Variants in SHROOM2 observed in about 807,000 individuals in gnomAD.
SHROOM2 encodes the protein protein Shroom2.
In SHROOM2, 33 loss-of-function variants were observed where a neutral mutation model predicts 75.9. That is an observed-to-expected ratio of 0.43 (90% CI 0.33 to 0.58). The LOEUF is 0.58. Ranked by LOEUF, SHROOM2 falls within the 20% of genes least tolerant of loss-of-function variation. The pLI, the probability that SHROOM2 is intolerant of heterozygous loss-of-function variation, is 0.04. For synonymous variants in SHROOM2, 655 were observed against 663.6 expected, an observed-to-expected ratio of 0.99 and a Z score of 0.20; for missense variants, 1,434 against 1,461.2, an observed-to-expected ratio of 0.98 and a Z score of 0.30.
chrX:9,878,531 G>C (rs1411915963), intron 2 of SHROOM2, among the ~76,000 whole-genome samples: 2 of 112,035 alleles, frequency 1.8e-5, no homozygotes, highest in East Asian at 2.8e-4. Context: ...CCCGTCTTGG[G>C]CATTGCTAAG....
At chrX:9,861,073 G>A (rs1442368310) in intron 1 of SHROOM2, among the ~76,000 whole-genome samples, 1 of 112,399 alleles carries the variant, frequency 8.9e-6, no homozygotes, top group East Asian at 2.8e-4. Context: ...GCAAGTTCTA[G>A]AGATCTCTTA....
At chrX:9,807,748 AG>A (rs1192362663) in intron 1 of SHROOM2, among the ~76,000 whole-genome samples, 1 of 112,167 alleles carries the variant, frequency 8.9e-6, no homozygotes, top group Non-Finnish European at 1.9e-5. Context: ...TTCTGTGAAA[AG>A]GCATTTCTCA....
chrX:9,808,417 C>G (rs1437365411), intron 1 of SHROOM2, among the ~76,000 whole-genome samples: 1 of 106,152 alleles, frequency 9.4e-6, no homozygotes, highest in African/African-American at 3.4e-5. Flanking sequence ...TGTGGTGGTG[C>G]ACACCTATAG....
intron 7 of SHROOM2, 111 bp downstream of exon 7, chrX:9,937,796 G>A (rs964455811): frequency 2.3e-5 from 16 of 710,671 alleles, no homozygotes; most frequent in African/African-American, 2.0e-4. Context: ...TGGGGAAGAC[G>A]GGTTTTCATA....
chrX:9,796,689 G>C (rs1190053329), intron 1 of SHROOM2, among the ~76,000 whole-genome samples: 1 of 110,576 alleles, frequency 9.0e-6, no homozygotes, highest in Non-Finnish European at 1.9e-5. Flanking sequence ...CTGTCATTCA[G>C]GCTGGAGTGC....
At chrX:9,924,467 C>T (rs886121437) in intron 5 of SHROOM2, among the ~76,000 whole-genome samples, 4 of 111,576 alleles carry the variant, frequency 3.6e-5, no homozygotes, top group Admixed American at 2.8e-4. Context: ...GCAATCCTCC[C>T]GCTTCAGCCT....
intron 1 of SHROOM2, among the ~76,000 whole-genome samples, chrX:9,834,248 G>C (rs2083931952): frequency 9.0e-6 from 1 of 111,731 alleles, no homozygotes; most frequent in South Asian, 3.7e-4. Flanking sequence ...CCCCCAGCAT[G>C]GGTTGAGTCC....
Position 9,896,559 on chromosome X carries a change from G to A in SHROOM2, c.2651G>A (p.Arg884Lys). ...TATCAGGCCTCTTGGAAGGAACAGAGGAAACCTCTGGAGGCCAGGAGCTCT... is the reference window on the plus strand; with the variant it reads ...TATCAGGCCTCTTGGAAGGAACAGAAGAAACCTCTGGAGGCCAGGAGCTCT... ...AEYQASWKEQ[R>K]KPLEARSSGR... Residue 884 changes from arginine to lysine, a missense_variant, in exon 4 of 10, where the codon AGG becomes AAG. Around this residue, in one of 3 missense-constraint regions of SHROOM2, gnomAD observed 1,340 missense variants for 1,338.3 expected, o/e 1.00. Transcript: ENST00000380913. 1.7e-6 allele frequency: 2 copies of A among 1,210,744 alleles called. No homozygotes were observed. Among genetic ancestry groups the A allele is most frequent in the Non-Finnish European group, 1.1e-6 (1 of 895,074 alleles).
intron 3 of SHROOM2, 88 bp downstream of exon 3, chrX:9,891,196 C>T (rs914451715): frequency 5.9e-6 from 6 of 1,025,425 alleles, no homozygotes; most frequent in African/African-American, 3.8e-5. Flanking sequence ...TTTGATGTTT[C>T]TGATGAGACT....
intron 1 of SHROOM2, among the ~76,000 whole-genome samples, chrX:9,798,554 A>G (rs946090071): frequency 8.9e-6 from 1 of 112,067 alleles, no homozygotes; most frequent in Non-Finnish European, 1.9e-5. Context: ...AACCTCGTAG[A>G]TCTAATTTTT....
In SHROOM2 at chrX:9,786,613, G is replaced by A; in HGVS notation, c.68G>A (p.Gly23Asp). ...GAGGCCGAGACGCGGGCGGCGGACG[G>A]CGGGCGCCTGGTGGAGGTGCAGCTG... ...LAEAETRAAD[G>D]GRLVEVQLSG... The change falls in exon 1 of 10, where the codon GGC becomes GAC. Residue 23 changes from glycine to aspartate, a missense_variant. Physicochemically the swap from Gly to Asp is moderately conservative, Grantham distance 94. Around this residue, in one of 3 missense-constraint regions of SHROOM2, gnomAD observed 1,340 missense variants for 1,338.3 expected, o/e 1.00. Transcript: ENST00000380913. 1.1e-6 allele frequency: 1 copy of A among 879,454 alleles called. No homozygotes were observed. Among genetic ancestry groups the A allele is most frequent in the South Asian group, 6.0e-5 (1 of 16,612 alleles). The allele number at this position is 879,454 out of a possible 1,213,427, so 72.5% of individuals were successfully genotyped here. A position where few individuals can be genotyped will look rare whatever the true frequency, so the allele number is the denominator to read the frequency against.
intron 2 of SHROOM2, among the ~76,000 whole-genome samples, chrX:9,882,014 G>GT (rs1480899256): frequency 9.0e-6 from 1 of 111,660 alleles, no homozygotes; most frequent in African/African-American, 3.3e-5. Flanking sequence ...AAAGGGCTAG[G>GT]TGGGGATATT....
At chrX:9,857,178 T>A (rs1467738055) in intron 1 of SHROOM2, among the ~76,000 whole-genome samples, 1 of 112,060 alleles carries the variant, frequency 8.9e-6, no homozygotes, top group Non-Finnish European at 1.9e-5. Context: ...GAGGGAACGT[T>A]GAGAACACCA....
chrX:9,805,616 A>C (rs1601915342), intron 1 of SHROOM2, among the ~76,000 whole-genome samples: 1 of 112,247 alleles, frequency 8.9e-6, no homozygotes, highest in South Asian at 3.7e-4. Context: ...AAGTGCCTGT[A>C]ATCCCAGCTG....
intron 1 of SHROOM2, among the ~76,000 whole-genome samples, chrX:9,829,769 C>T (rs1444519363): frequency 9.0e-6 from 1 of 111,546 alleles, no homozygotes; most frequent in Non-Finnish European, 1.9e-5. Flanking sequence ...TCACACCTGC[C>T]GGTTGCGGCA....
intron 1 of SHROOM2, among the ~76,000 whole-genome samples, chrX:9,792,033 ATAG>A (rs1193155838): frequency 0.28 from 6,691 of 23,630 alleles, 866 homozygotes; most frequent in African/African-American, 0.29. Flanking sequence ...ATAGAATAGA[ATAG>A]AATAGAATAG....
Position 9,843,195 on chromosome X carries a change from GT to G in SHROOM2, c.166-30445del, listed in dbSNP as rs1225493893. Reference sequence around the variant, plus strand: ...CCCCCACACTGGGCTTCCCCCTATTGTTTTTTTTTTTTCTTCCAATTACCAT... The same window carrying G: ...CCCCCACACTGGGCTTCCCCCTATTGTTTTTTTTTTTCTTCCAATTACCAT... On this transcript the variant is annotated intron_variant, in intron 1 of 9. Transcript: ENST00000380913. Among the ~76,000 whole-genome samples the G allele has an allele frequency of 6.7e-3, 682 of 101,623 alleles. 3 individuals carry two copies. Among genetic ancestry groups the G allele is most frequent in the Middle Eastern group, 0.01 (2 of 198 alleles). The allele number at this position is 101,623 out of a possible 115,157, so 88.2% of individuals were successfully genotyped here.
Position 9,873,769 on chromosome X carries a change from G to A in SHROOM2, c.283G>A (p.Gly95Arg), listed in dbSNP as rs2084183912. Residue 95 changes from glycine (G) to arginine (R), a missense_variant, in exon 2 of 10, where the codon GGG becomes AGG. Around this residue, in one of 3 missense-constraint regions of SHROOM2, gnomAD observed 1,340 missense variants for 1,338.3 expected, o/e 1.00. Coordinates refer to ENST00000380913, the MANE Select transcript of SHROOM2 (RefSeq NM_001649.4). ...FRQEAICLVK[G>R]SHKTLKLVVK... ...ACAGGAAGCGATTTGCCTGGTGAAGGGGTCCCATAAGACCCTGAAGCTGGT... is the reference window on the plus strand; with the variant it reads ...ACAGGAAGCGATTTGCCTGGTGAAGAGGTCCCATAAGACCCTGAAGCTGGT... The A allele has an allele frequency of 8.3e-7, 1 of 1,209,523 alleles. No individual in the cohort carries two copies. The highest frequency in any genetic ancestry group is 1.1e-6 in the Non-Finnish European group (1 of 895,091).
intron 1 of SHROOM2, among the ~76,000 whole-genome samples, chrX:9,842,762 G>A (rs764040176): frequency 2.7e-5 from 3 of 112,016 alleles, no homozygotes; most frequent in Admixed American, 1.9e-4. Context: ...GGGGCGAGGC[G>A]GGAGGGCAGG....
Sources: allele counts gnomAD v4.1 joint callset (sites outside exome capture counted in the v4.1 genomes callset), GRCh38; gene constraint gnomAD v4.1.1; regional missense constraint gnomAD v4.1.1; transcripts MANE v1.5; gene names NCBI Gene and HGNC (gene_info 2026-07-23, HGNC 2026-07-21).